MTA1: variants seen among roughly 807,000 people sequenced by gnomAD.
The protein encoded by MTA1 is metastasis-associated protein MTA1.
A neutral mutation model predicts 97.0 loss-of-function variants in MTA1; 15 were observed. The observed-to-expected ratio is 0.15, with a 90% CI of 0.10 to 0.24. MTA1 has a LOEUF of 0.24. Ranked by LOEUF, MTA1 falls within the 10% of genes least tolerant of loss-of-function variation. The pLI is 1.00. For synonymous variants in MTA1, 435 were observed against 417.5 expected (o/e 1.04, Z -0.51); for missense variants, 709 against 1,015.1 (o/e 0.70, Z 4.10).
At chr14:105,464,320 G>A in intron 13 of MTA1, 96 bp from the exon 14 acceptor site, 1 of 1,501,262 alleles carries the variant, frequency 6.7e-7, no homozygotes, top group Non-Finnish European at 9.0e-7. Flanking sequence ...GGGGTGCCTG[G>A]CGGGTGGGGG....
intron 10 of MTA1, among the ~76,000 whole-genome samples, chr14:105,462,882 A>C (rs891384581): frequency 1.6e-4 from 25 of 152,322 alleles, no homozygotes; most frequent in African/African-American, 2.2e-4. Flanking sequence ...AACAAACAAA[A>C]AAAAGGCTGA....
intron 18 of MTA1, chr14:105,467,336 G>T: frequency 2.2e-6 from 1 of 446,342 alleles, no homozygotes; most frequent in Non-Finnish European, 4.5e-6. Flanking sequence ...GGGCCTGCCA[G>T]TGTGGATGTG....
chr14:105,445,804 G>A (rs2082699592), intron 3 of MTA1: 2 of 496,202 alleles, frequency 4.0e-6, no homozygotes, highest in African/African-American at 2.0e-5. Context: ...ATCATTGATC[G>A]AGGCTTCTTT....
Position 105,464,680 on chromosome 14 carries a change from C to T in MTA1, c.1351C>T (p.His451Tyr). ...PGPNRSNMSP[H>Y]GLPARSSGSP... Reference sequence around the variant, plus strand: ...GTTGCGCCCCCTTCCGCAGAGTCCCCACGGCCTCCCAGCCCGGAGCAGCGG... The same window carrying T: ...GTTGCGCCCCCTTCCGCAGAGTCCCTACGGCCTCCCAGCCCGGAGCAGCGG... Residue 451 changes from histidine (H) to tyrosine (Y), a missense_variant, in exon 15 of 21, where the codon CAC (histidine) becomes TAC (tyrosine). Around this residue, in one of 2 missense-constraint regions of MTA1, gnomAD observed 388 missense variants for 421.6 expected, o/e 0.92. Transcript: ENST00000331320. 3.1e-6 allele frequency: 5 copies of T among 1,602,648 alleles called. No homozygotes were observed. The highest frequency in any genetic ancestry group is 4.3e-6 in the Non-Finnish European group (5 of 1,172,570).
chr14:105,440,579 G>C (rs1555425429), intron 2 of MTA1, among the ~76,000 whole-genome samples: 1 of 152,264 alleles, frequency 6.6e-6, no homozygotes, highest in African/African-American at 2.4e-5. Flanking sequence ...CCAGCCCTTG[G>C]GCGATGTTCA....
In MTA1 at chr14:105,419,991, A is replaced by C; in HGVS notation, c.-45A>C. ...TCCATTTTCCCGGCCGCCCGCGCCG[A>C]GCGCCGCGCCCGCCCCGGGCCCCTC... On this transcript the variant is annotated 5_prime_UTR_variant, in exon 1 of 21. Coordinates refer to ENST00000331320, the MANE Select transcript of MTA1 (RefSeq NM_004689.4). 1 of 974,158 alleles carries C rather than the reference A, an allele frequency of 1.0e-6. No homozygotes were observed. Among genetic ancestry groups the C allele is most frequent in the Non-Finnish European group, 1.2e-6 (1 of 826,166 alleles). 60.3% of individuals were successfully genotyped at this position (974,158 alleles called of 1,614,324 possible). A position where few individuals can be genotyped will look rare whatever the true frequency, so the allele number is the denominator to read the frequency against.
intron 3 of MTA1, among the ~76,000 whole-genome samples, chr14:105,448,122 C>T (rs145636380): frequency 1.3e-5 from 2 of 152,080 alleles, no homozygotes; most frequent in South Asian, 2.1e-4. Flanking sequence ...GAGAGGGGAA[C>T]GTCCCTCCTC....
intron 1 of MTA1, among the ~76,000 whole-genome samples, chr14:105,421,180 C>G (rs192097170): frequency 3.9e-4 from 60 of 152,266 alleles, no homozygotes; most frequent in African/African-American, 1.4e-3. Context: ...CTGGGCCTCC[C>G]CTGTCCTCTC....
chr14:105,451,624 G>A (rs1034103143), intron 6 of MTA1, among the ~76,000 whole-genome samples: 4 of 152,304 alleles, frequency 2.6e-5, no homozygotes, highest in South Asian at 2.1e-4. Context: ...AAAAAGGCCC[G>A]TGAGGAAGCA....
chr14:105,432,792 A>G (rs1198267586), intron 1 of MTA1, among the ~76,000 whole-genome samples: 3 of 152,198 alleles, frequency 2.0e-5, no homozygotes, highest in African/African-American at 7.2e-5. Flanking sequence ...CTTATTGTCA[A>G]GAGGTAAAAT....
At chr14:105,427,051 G>A (rs1555422422) in intron 1 of MTA1, among the ~76,000 whole-genome samples, 1 of 152,238 alleles carries the variant, frequency 6.6e-6, no homozygotes, top group East Asian at 1.9e-4. Flanking sequence ...GACAGGCAGG[G>A]ACCACGGGCA....
In MTA1 at chr14:105,420,925, G is replaced by A. The variant is rs1300500450; in HGVS notation, c.28+862G>A. On this transcript the variant is annotated intron_variant, in intron 1 of 20. Coordinates refer to ENST00000331320, the MANE Select transcript of MTA1 (RefSeq NM_004689.4). This position sits in a 1 kb window ranked among gnomAD's most constrained non-coding sequence, Gnocchi z 5.3. ...ACCCCTCCCTGCCTGTGACCCTCTC[G>A]GGCAGGTGCTCATTACCTTTCCCAC... is the stretch of plus-strand genomic sequence containing the variant. 6.6e-6 allele frequency among the ~76,000 whole-genome samples: 1 copy of A among 152,092 alleles called. No homozygotes were observed. The highest frequency in any genetic ancestry group is 1.5e-5 in the Non-Finnish European group (1 of 68,006).
intron 2 of MTA1, among the ~76,000 whole-genome samples, chr14:105,441,700 A>G (rs371961001): frequency 2.0e-5 from 3 of 152,314 alleles, no homozygotes; most frequent in Middle Eastern, 3.4e-3. Flanking sequence ...AGGCTGAGGC[A>G]GGAGAATGGC....
chr14:105,429,794 T>C (rs2082126609), intron 1 of MTA1, among the ~76,000 whole-genome samples: 1 of 118,134 alleles, frequency 8.5e-6, no homozygotes, highest in South Asian at 3.1e-4. Flanking sequence ...TCTCGCTCTG[T>C]CATTCAGGCT....
intron 3 of MTA1, among the ~76,000 whole-genome samples, chr14:105,447,613 C>A (rs1170690293): frequency 2.0e-5 from 3 of 151,812 alleles, no homozygotes; most frequent in Admixed American, 6.6e-5. Flanking sequence ...CGAGCACTGG[C>A]CCCCCCAGGT....
At chr14:105,445,586 C>A in intron 3 of MTA1, 75 bp downstream of exon 3, 2 of 1,481,648 alleles carry the variant, frequency 1.3e-6, no homozygotes, top group African/African-American at 1.4e-5. Flanking sequence ...TCCTTCTTCC[C>A]TAGGGCCCAT....
At chr14:105,429,712 C>T (rs1290891035) in intron 1 of MTA1, among the ~76,000 whole-genome samples, 19 of 146,238 alleles carry the variant, frequency 1.3e-4, no homozygotes, top group Non-Finnish European at 2.7e-4. Flanking sequence ...CTCAGCCTCC[C>T]GAAGTGCTGG....
chr14:105,419,993 C>T lies in MTA1; in HGVS notation c.-43C>T. The T allele has an allele frequency of 2.0e-6, 2 of 1,002,562 alleles. No individual in the cohort carries two copies. Among genetic ancestry groups the T allele is most frequent in the Non-Finnish European group, 2.4e-6 (2 of 842,694 alleles). The allele number at this position is 1,002,562 out of a possible 1,614,324, so 62.1% of individuals were successfully genotyped here. The stretch of plus-strand genomic sequence containing the variant: ...CATTTTCCCGGCCGCCCGCGCCGAG[C>T]GCCGCGCCCGCCCCGGGCCCCTCCG... On this transcript the variant is annotated 5_prime_UTR_variant, in exon 1 of 21. Coordinates refer to ENST00000331320, the MANE Select transcript of MTA1 (RefSeq NM_004689.4).
intron 6 of MTA1, among the ~76,000 whole-genome samples, chr14:105,453,991 C>T (rs1555429254): frequency 1.3e-5 from 2 of 152,186 alleles, no homozygotes; most frequent in African/African-American, 4.8e-5. Flanking sequence ...CCCAGTGACC[C>T]TCGAGGCCCC....
Sources: allele counts gnomAD v4.1 joint callset (sites outside exome capture counted in the v4.1 genomes callset), GRCh38; gene constraint gnomAD v4.1.1; regional missense constraint gnomAD v4.1.1; non-coding constraint Gnocchi (gnomAD v3.1); transcripts MANE v1.5; gene names NCBI Gene and HGNC (gene_info 2026-07-23, HGNC 2026-07-21).